STPG2: variants seen among roughly 807,000 people sequenced by gnomAD.
The protein encoded by STPG2 is sperm tail PG-rich repeat containing 2.
STPG2 carries 56 observed loss-of-function variants against 54.2 expected under a neutral mutation model. The observed-to-expected ratio is 1.03, with a 90% CI of 0.83 to 1.29. The LOEUF is 1.29. Among genes scored for constraint, STPG2 ranks in the 50% most tolerant of loss-of-function variants. The pLI, the probability that STPG2 is intolerant of heterozygous loss-of-function variation, is 0.00. For missense variants in STPG2, 596 were observed against 544.9 expected (o/e 1.09, Z -0.93); for synonymous variants, 200 against 181.8 (o/e 1.10, Z -0.81).
At chr4:97,928,216 A>G (rs777954538) in intron 8 of STPG2, among the ~76,000 whole-genome samples, 1 of 152,170 alleles carries the variant, frequency 6.6e-6, no homozygotes, top group Non-Finnish European at 1.5e-5. Flanking sequence ...ATTAAAACCT[A>G]AACTCATCTG....
intron 4 of STPG2, among the ~76,000 whole-genome samples, chr4:97,513,283 C>T (rs1731010405): frequency 6.6e-6 from 1 of 152,100 alleles, no homozygotes; most frequent in African/African-American, 2.4e-5. Context: ...GGAACTGCCA[C>T]TCGTTCAGTT....
rs764087618 is a variant in STPG2 at position 98,143,073 on chromosome 4, G to A, written c.78C>T (p.Tyr26=). 8 of 1,613,606 alleles carry A rather than the reference G, an allele frequency of 5.0e-6. No homozygotes were observed. The highest frequency in any genetic ancestry group is 6.8e-6 in the Non-Finnish European group (8 of 1,179,746). Residue 26 remains tyrosine (Y), a synonymous_variant, in exon 1 of 11, where the codon TAC becomes TAT. Coordinates refer to ENST00000295268, the MANE Select transcript of STPG2 (RefSeq NM_174952.3). ...STEAHVGPGS[Y]QVPFLKQQAT... ...CCTGCTGCTTCAGGAAAGGTACCTG[G>A]TAGGATCCAGGACCCACATGGGCCT...
chr4:97,959,223 T>C (rs1208710163), intron 7 of STPG2, among the ~76,000 whole-genome samples: 1 of 152,132 alleles, frequency 6.6e-6, no homozygotes, highest in Non-Finnish European at 1.5e-5. Flanking sequence ...GCAAAGGTAG[T>C]GCTAAGAGGA....
At chr4:97,723,578 G>T (rs1724522431) in intron 9 of STPG2, among the ~76,000 whole-genome samples, 1 of 152,006 alleles carries the variant, frequency 6.6e-6, no homozygotes, top group South Asian at 2.1e-4. Flanking sequence ...CCATTTTTGT[G>T]CATGGTATTT....
intron 5 of STPG2, among the ~76,000 whole-genome samples, chr4:98,004,689 T>C (rs983210435): frequency 2.6e-5 from 4 of 152,140 alleles, no homozygotes; most frequent in Non-Finnish European, 4.4e-5. Flanking sequence ...TTCTAAGAGG[T>C]GGGAGATGAT....
intron 5 of STPG2, among the ~76,000 whole-genome samples, chr4:97,991,375 ATGTATATATATG>A (rs1276031628): frequency 3.1e-4 from 46 of 150,554 alleles, no homozygotes; most frequent in East Asian, 5.9e-4. Context: ...GTATATATAT[ATGTATATATATG>A]TGTATATATA....
At chr4:97,557,200 A>T (rs1003006149), downstream of STPG2, among the ~76,000 whole-genome samples, 1 of 152,126 alleles carries the variant, frequency 6.6e-6, no homozygotes, top group Non-Finnish European at 1.5e-5. Context: ...AAATACTGTC[A>T]TACCTTCTTA....
chr4:98,002,040 T>A (rs1360502214), intron 5 of STPG2, among the ~76,000 whole-genome samples: 1 of 152,092 alleles, frequency 6.6e-6, no homozygotes, highest in Non-Finnish European at 1.5e-5. Context: ...CCAGATCTAG[T>A]GAAATCAAAG....
intron 4 of STPG2, among the ~76,000 whole-genome samples, chr4:97,507,028 A>G (rs1015840216): frequency 2.6e-5 from 4 of 152,024 alleles, no homozygotes; most frequent in African/African-American, 7.2e-5. Context: ...GACAAATTTT[A>G]AAGATAAGGA....
chr4:97,676,567 AAG>A lies in STPG2; in HGVS notation c.1320+36130_1320+36131del, dbSNP rs1722855132. ...AAAGGAAGGAAGGAAGGAAGGAAGG[AAG>A]GAAGGAAAGGAGGGAGGGAGGGAGG... On this transcript the variant is annotated intron_variant, in intron 10 of 10. Coordinates refer to ENST00000295268, the MANE Select transcript of STPG2 (RefSeq NM_174952.3). 3.7e-5 allele frequency among the ~76,000 whole-genome samples: 5 copies of A among 134,880 alleles called. No homozygotes were observed. The South Asian group carries it at 1.4e-3, about 38-fold the overall frequency. 88.5% of individuals were successfully genotyped at this position (134,880 alleles called of 152,430 possible).
chr4:98,057,019 T>C (rs906572373), intron 5 of STPG2, among the ~76,000 whole-genome samples: 1 of 152,168 alleles, frequency 6.6e-6, no homozygotes, highest in Non-Finnish European at 1.5e-5. Flanking sequence ...TCTCAGGTAG[T>C]TCTTTACAGC....
intron 10 of STPG2, among the ~76,000 whole-genome samples, chr4:97,639,588 T>A (rs1016526645): frequency 6.6e-6 from 1 of 151,942 alleles, no homozygotes; most frequent in African/African-American, 2.4e-5. Flanking sequence ...TTTAATGAAT[T>A]AAAATGGTTT....
intron 5 of STPG2, among the ~76,000 whole-genome samples, chr4:98,005,242 G>C (rs755374539): frequency 1.3e-5 from 2 of 152,102 alleles, no homozygotes; most frequent in Non-Finnish European, 2.9e-5. Flanking sequence ...TGCCCACCCA[G>C]ATTAGGGGTG....
chr4:97,668,215 A>C lies in STPG2; in HGVS notation c.1320+44484T>G, dbSNP rs923637035. ...GTAAGGTATTCAAGGCAACAGGCAA[A>C]GCCAAAATAAAGGAAGATAGGCACA... is the stretch of plus-strand genomic sequence containing the variant. On this transcript the variant is annotated intron_variant, in intron 10 of 10. Coordinates refer to ENST00000295268, the MANE Select transcript of STPG2 (RefSeq NM_174952.3). Among the ~76,000 whole-genome samples, 8 of 152,300 alleles carry C rather than the reference A, an allele frequency of 5.3e-5. No individual in the cohort carries two copies. The East Asian group carries it at 1.5e-3, about 29-fold the overall frequency.
intron 10 of STPG2, among the ~76,000 whole-genome samples, chr4:97,607,548 T>C (rs1423954424): frequency 6.6e-6 from 1 of 152,046 alleles, no homozygotes; most frequent in Non-Finnish European, 1.5e-5. Flanking sequence ...TAGGGGTCTA[T>C]CCTTTTAACA....
At chr4:97,904,119 G>A (rs892703409) in intron 8 of STPG2, among the ~76,000 whole-genome samples, 17 of 152,226 alleles carry the variant, frequency 1.1e-4, no homozygotes, top group African/African-American at 3.6e-4. Flanking sequence ...AGGCCTGCCT[G>A]CCTCTGTAGG....
At chr4:97,461,897 C>G (rs986548907) in intron 4 of STPG2, among the ~76,000 whole-genome samples, 24 of 151,972 alleles carry the variant, frequency 1.6e-4, no homozygotes, top group African/African-American at 5.8e-4. Context: ...CTGTGTCATG[C>G]CCTTCCATTC....
At chr4:97,769,651 T>C (rs1726164154) in intron 9 of STPG2, among the ~76,000 whole-genome samples, 1 of 150,424 alleles carries the variant, frequency 6.6e-6, no homozygotes, top group South Asian at 2.1e-4. Flanking sequence ...TCAATTATTT[T>C]ATATATATAT....
rs147704709 is a variant in STPG2, at chr4:97,607,732, G to A, written c.1321-48615C>T. ...TATGTGTCAGAAGAGATGGAAAACC[G>A]TAATAGAATTGTGTTGACTGTTGTC... On this transcript the variant is annotated intron_variant, in intron 10 of 10. Transcript: ENST00000295268. 1.3e-4 allele frequency among the ~76,000 whole-genome samples: 20 copies of A among 152,168 alleles called. 2 individuals are homozygous for A. The East Asian group carries it at 3.3e-3, about 25-fold the overall frequency.
Sources: gnomAD v4.1 joint callset for allele counts (sites outside exome capture counted in the v4.1 genomes callset) on GRCh38, gnomAD v4.1.1 for gene constraint, MANE v1.5 for transcripts, NCBI Gene and HGNC (gene_info 2026-07-23, HGNC 2026-07-21) for gene names.